PRIM2: variants seen among roughly 807,000 people sequenced by gnomAD.
PRIM2 encodes the protein DNA primase subunit 2.
In PRIM2, 39 loss-of-function variants were observed where a neutral mutation model predicts 67.3. That is an observed-to-expected ratio of 0.58 (90% CI 0.45 to 0.76). The LOEUF (loss-of-function observed/expected upper bound fraction) is 0.76, where lower values mean the gene tolerates loss of function less well. Among genes scored for constraint, PRIM2 ranks in the 30% least tolerant of loss-of-function variants. PRIM2 has a pLI of 0.00. For missense variants in PRIM2, 398 were observed against 598.7 expected (o/e 0.66, Z 3.50); for synonymous variants, 143 against 198.7 (o/e 0.72, Z 2.36).
chr6:57,302,763 A>G, the PRIM2 span, among the ~76,000 whole-genome samples: 1 of 152,224 alleles, frequency 6.6e-6, no homozygotes, highest in Admixed American at 6.5e-5. Context: ...GAACTCAGTC[A>G]TAAGAGTCCA....
intron 8 of PRIM2, among the ~76,000 whole-genome samples, chr6:57,509,425 G>A (rs1554347513): frequency 1.3e-5 from 2 of 152,162 alleles, no homozygotes; most frequent in African/African-American, 4.8e-5. Context: ...TTTATCTCTT[G>A]AGTATATCTC....
chr6:57,603,998 G>A (rs1421864823), intron 11 of PRIM2, among the ~76,000 whole-genome samples: 2 of 152,226 alleles, frequency 1.3e-5, no homozygotes, highest in East Asian at 3.9e-4. Context: ...AACATTGTTG[G>A]TATGTAGAAA....
chr6:57,564,616 T>C (rs1775700570), intron 10 of PRIM2, among the ~76,000 whole-genome samples: 1 of 152,162 alleles, frequency 6.6e-6, no homozygotes, highest in African/African-American at 2.4e-5. Flanking sequence ...AGCTATGAAA[T>C]GATTTATTCA....
At chr6:57,305,031 A>T in the PRIM2 span, among the ~76,000 whole-genome samples, 21 of 152,248 alleles carry the variant, frequency 1.4e-4, no homozygotes, top group Admixed American at 1.4e-3. Flanking sequence ...AGTATTGATT[A>T]GTCAGAGAAA....
intron 12 of PRIM2, among the ~76,000 whole-genome samples, chr6:57,618,896 A>C (rs1582023393): frequency 6.7e-6 from 1 of 148,710 alleles, no homozygotes; most frequent in Non-Finnish European, 1.5e-5. Context: ...GGCCCCACCC[A>C]CTGCCGATCC....
At chr6:57,339,322 C>CA in intron 5 of PRIM2, among the ~76,000 whole-genome samples, 1 of 152,124 alleles carries the variant, frequency 6.6e-6, no homozygotes, top group South Asian at 2.1e-4. Flanking sequence ...ATCAAGCTGC[C>CA]AATGACTTTC....
At chr6:57,566,269 T>C (rs1775738467) in intron 10 of PRIM2, among the ~76,000 whole-genome samples, 5 of 152,106 alleles carry the variant, frequency 3.3e-5, no homozygotes, top group Admixed American at 3.3e-4. Context: ...AGTGGTACTT[T>C]ATTTTTCATA....
chr6:57,631,949 C>A (rs1347451048), intron 12 of PRIM2, among the ~76,000 whole-genome samples, 184 bp from the exon 13 acceptor site: 6 of 152,188 alleles, frequency 3.9e-5, no homozygotes, highest in South Asian at 2.1e-4. Flanking sequence ...CTGACCTAAA[C>A]CACTACTGTA....
At chr6:57,304,050 C>T in the PRIM2 span, among the ~76,000 whole-genome samples, 1 of 152,174 alleles carries the variant, frequency 6.6e-6, no homozygotes, top group East Asian at 1.9e-4. Context: ...AGCTAGCTAT[C>T]TATGCTTACC....
At chr6:57,472,819 T>G (rs1773370504) in intron 7 of PRIM2, among the ~76,000 whole-genome samples, 1 of 152,214 alleles carries the variant, frequency 6.6e-6, no homozygotes, top group African/African-American at 2.4e-5. Flanking sequence ...ATAAAAACAT[T>G]CTTTTAAAAG....
chr6:57,406,432 C>CT (rs1770893806), intron 7 of PRIM2, among the ~76,000 whole-genome samples: 1 of 152,142 alleles, frequency 6.6e-6, no homozygotes, highest in South Asian at 2.1e-4. Flanking sequence ...CATTGAGAGT[C>CT]TTGTGTCTCA....
At chr6:57,462,351 A>G (rs1455980948) in intron 7 of PRIM2, among the ~76,000 whole-genome samples, 4 of 148,428 alleles carry the variant, frequency 2.7e-5, no homozygotes, top group South Asian at 2.1e-4. Flanking sequence ...GCATTTGAAT[A>G]TGGTTTTGGA....
intron 5 of PRIM2, among the ~76,000 whole-genome samples, chr6:57,369,126 G>T (rs1769463502): frequency 6.6e-6 from 1 of 152,164 alleles, no homozygotes; most frequent in African/African-American, 2.4e-5. Flanking sequence ...CTCAGTGAGG[G>T]ACTCAGTACA....
the PRIM2 span, among the ~76,000 whole-genome samples, chr6:57,300,737 C>T: frequency 6.6e-6 from 1 of 152,126 alleles, no homozygotes; most frequent in African/African-American, 2.4e-5. Flanking sequence ...AAACAACAGT[C>T]CCCGGCCGGG....
At chr6:57,294,529 T>C in the PRIM2 span, among the ~76,000 whole-genome samples, 1 of 151,812 alleles carries the variant, frequency 6.6e-6, no homozygotes, top group East Asian at 1.9e-4. Context: ...ACAAAAGCAG[T>C]ATATATAGTA....
At chr6:57,403,450 G>T (rs1340211847) in intron 7 of PRIM2, among the ~76,000 whole-genome samples, 1 of 151,470 alleles carries the variant, frequency 6.6e-6, no homozygotes, top group African/African-American at 2.4e-5. Flanking sequence ...TTTTAGTAGA[G>T]ACGGGGTTTC....
At chr6:57,583,055 G>T (rs1178261270) in intron 10 of PRIM2, among the ~76,000 whole-genome samples, 1 of 149,598 alleles carries the variant, frequency 6.7e-6, no homozygotes, top group African/African-American at 2.5e-5. Context: ...TTTTGTCCTT[G>T]CGATGGTTTA....
chr6:57,577,273 C>A (rs1775980377), intron 10 of PRIM2, among the ~76,000 whole-genome samples: 1 of 152,142 alleles, frequency 6.6e-6, no homozygotes, highest in Admixed American at 6.6e-5. Context: ...AGTCCTGACA[C>A]ATCTTACTGT....
At chr6:57,334,839 G>A (rs1401215945) in intron 5 of PRIM2, among the ~76,000 whole-genome samples, 4 of 152,154 alleles carry the variant, frequency 2.6e-5, no homozygotes, top group Non-Finnish European at 5.9e-5. Context: ...AGATTGATAT[G>A]TTTTTACTGC....
Sources: gnomAD v4.1 joint callset for allele counts (sites outside exome capture counted in the v4.1 genomes callset) on GRCh38, gnomAD v4.1.1 for gene constraint, MANE v1.5 for transcripts, NCBI Gene and HGNC (gene_info 2026-07-23, HGNC 2026-07-21) for gene names.